PDPN: variants seen among roughly 807,000 people sequenced by gnomAD.
PDPN encodes PA2.26 antigen.
A neutral mutation model predicts 23.2 loss-of-function variants in PDPN; 12 were observed. The observed-to-expected ratio is 0.52, with a 90% CI of 0.33 to 0.84. The LOEUF (loss-of-function observed/expected upper bound fraction) is 0.84, where lower values mean the gene tolerates loss of function less well. Ranked by LOEUF, PDPN falls within the 40% of genes least tolerant of loss-of-function variation. The pLI is 0.02. For missense variants in PDPN, 199 were observed against 212.2 expected (o/e 0.94, Z 0.39); for synonymous variants, 77 against 76.7 (o/e 1.00, Z -0.02).
upstream of PDPN, chr1:13,583,803 T>G (rs750124928): frequency 5.8e-6 from 9 of 1,539,136 alleles, no homozygotes; most frequent in South Asian, 2.5e-5. Context: ...TCGGGAGAGA[T>G]AAATGCTGAC....
At chr1:13,611,889 A>G (rs1435306362) in intron 3 of PDPN, among the ~76,000 whole-genome samples, 2 of 152,208 alleles carry the variant, frequency 1.3e-5, no homozygotes, top group East Asian at 1.9e-4. Flanking sequence ...AGAATAATCA[A>G]TATAAATGAT....
intron 3 of PDPN, among the ~76,000 whole-genome samples, chr1:13,612,682 G>A (rs79813761): frequency 0.037 from 5,622 of 152,228 alleles, 200 homozygotes; most frequent in Admixed American, 0.11. Context: ...CCTCTACCCT[G>A]GGGCCATCTT....
chr1:13,600,344 A>T (rs1039639835), intron 1 of PDPN, among the ~76,000 whole-genome samples: 1 of 150,978 alleles, frequency 6.6e-6, no homozygotes, highest in African/African-American at 2.4e-5. Context: ...CCGCTAATGA[A>T]TCATGAACTT....
At chr1:13,615,074 T>A (rs1343336163) in intron 5 of PDPN, among the ~76,000 whole-genome samples, 4 of 151,964 alleles carry the variant, frequency 2.6e-5, no homozygotes, top group Non-Finnish European at 4.4e-5. Context: ...TGTCACAGAG[T>A]CGGCAGCCCA....
At chr1:13,602,709 T>G (rs1471931506) in intron 1 of PDPN, among the ~76,000 whole-genome samples, 2 of 151,964 alleles carry the variant, frequency 1.3e-5, no homozygotes, top group East Asian at 3.9e-4. Context: ...ATTACAGGTG[T>G]GCACCACCAT....
At chr1:13,596,121 C>T (rs943292175) in intron 1 of PDPN, 27 of 302,830 alleles carry the variant, frequency 8.9e-5, no homozygotes, top group African/African-American at 5.8e-4. Flanking sequence ...ATCGCTTGAA[C>T]CCAGGAGGCG....
At chr1:13,594,460 C>A (rs998136549) in intron 1 of PDPN, among the ~76,000 whole-genome samples, 1 of 152,130 alleles carries the variant, frequency 6.6e-6, no homozygotes, top group Non-Finnish European at 1.5e-5. Flanking sequence ...GCTCAGTCTA[C>A]TCCAGACCTT....
intron 1 of PDPN, among the ~76,000 whole-genome samples, chr1:13,590,823 A>G (rs1244342685): frequency 1.5e-5 from 2 of 131,868 alleles, no homozygotes; most frequent in Admixed American, 7.9e-5. Flanking sequence ...GAGCCATAGG[A>G]GATTGAATCT....
At chr1:13,591,867 C>G (rs1640352708) in intron 1 of PDPN, among the ~76,000 whole-genome samples, 1 of 152,200 alleles carries the variant, frequency 6.6e-6, no homozygotes, top group Non-Finnish European at 1.5e-5. Flanking sequence ...GTTTGTTTAA[C>G]TTTTTGAGGA....
At chr1:13,609,633 C>T (rs979103474) in intron 2 of PDPN, among the ~76,000 whole-genome samples, 1 of 152,174 alleles carries the variant, frequency 6.6e-6, no homozygotes, top group African/African-American at 2.4e-5. Flanking sequence ...TACTTTCTAT[C>T]TTATGAATTT....
chr1:13,615,383 T>G (rs887229537), intron 5 of PDPN, among the ~76,000 whole-genome samples: 2 of 151,740 alleles, frequency 1.3e-5, no homozygotes, highest in African/African-American at 2.4e-5. Flanking sequence ...ACTCCCAGGT[T>G]CAAGCGATTC....
At chr1:13,596,045 A>G in intron 1 of PDPN, 2 of 359,414 alleles carry the variant, frequency 5.6e-6, no homozygotes, top group South Asian at 4.4e-5. Context: ...TAAAAATACA[A>G]AAAATTAGCT....
At chr1:13,615,796 T>C in intron 5 of PDPN, 109 bp from the exon 6 acceptor site, 1 of 1,006,056 alleles carries the variant, frequency 9.9e-7, no homozygotes, top group Non-Finnish European at 1.6e-6. Context: ...TCACCAGGTG[T>C]CAGAACTTGG....
chr1:13,615,288 T>C (rs937641867), intron 5 of PDPN, among the ~76,000 whole-genome samples: 4 of 113,286 alleles, frequency 3.5e-5, no homozygotes, highest in Non-Finnish European at 7.1e-5. Context: ...TTCTCTTTCT[T>C]TTTCTTTTTC....
chr1:13,594,808 A>G (rs1640447119), intron 1 of PDPN, among the ~76,000 whole-genome samples: 1 of 151,760 alleles, frequency 6.6e-6, no homozygotes. Flanking sequence ...AACACGGTGA[A>G]ATCCCGTCTC....
intron 2 of PDPN, 107 bp downstream of exon 2, chr1:13,607,413 T>C (rs1640819346): frequency 1.3e-6 from 1 of 768,098 alleles, no homozygotes; most frequent in South Asian, 3.3e-5. Flanking sequence ...ATCTATAAAA[T>C]CAGCATGAGC....
rs143657561 is a variant in PDPN, at chr1:13,588,339, A to G, written c.67+4239A>G. Among the ~76,000 whole-genome samples the G allele has an allele frequency of 9.0e-3, 1,373 of 152,220 alleles. 20 individuals carry two copies. The highest frequency in any genetic ancestry group is 0.03 in the African/African-American group (1,251 of 41,538). On this transcript the variant is annotated intron_variant, in intron 1 of 5. Transcript: ENST00000621990. ...ATGGGAAGCAGGAAAGGGGCATGCTAGAATATTTTTAACATATTATTGATG... is the reference window on the plus strand; with the variant it reads ...ATGGGAAGCAGGAAAGGGGCATGCTGGAATATTTTTAACATATTATTGATG...
At chr1:13,613,258 G>A (rs564388331) in intron 3 of PDPN, among the ~76,000 whole-genome samples, 67 of 152,274 alleles carry the variant, frequency 4.4e-4, no homozygotes, top group African/African-American at 1.4e-3. Flanking sequence ...CCAAACTAAA[G>A]TATTAATCTC....
At chr1:13,592,613 G>A (rs547263764) in intron 1 of PDPN, among the ~76,000 whole-genome samples, 4 of 144,148 alleles carry the variant, frequency 2.8e-5, no homozygotes, top group East Asian at 2.0e-4. Context: ...GCAATGGCAC[G>A]ATCTTGGCTC....
Sources: gnomAD v4.1 joint callset for allele counts (sites outside exome capture counted in the v4.1 genomes callset) on GRCh38, gnomAD v4.1.1 for gene constraint, MANE v1.5 for transcripts, NCBI Gene and HGNC (gene_info 2026-07-23, HGNC 2026-07-21) for gene names.